GALNTL6: variants seen among roughly 807,000 people sequenced by gnomAD.
GALNTL6 encodes polypeptide N-acetylgalactosaminyltransferase-like 6.
A neutral mutation model predicts 73.7 loss-of-function variants in GALNTL6; 46 were observed. The ratio of observed to expected loss-of-function variants is 0.62; its 90% CI spans 0.49 to 0.80. GALNTL6 has a LOEUF of 0.80. GALNTL6 is among the 30% of genes least tolerant of loss of function. GALNTL6 has a pLI of 0.00. For missense variants in GALNTL6, 604 were observed against 755.0 expected (o/e 0.80, Z 2.34); for synonymous variants, 259 against 263.7 (o/e 0.98, Z 0.17).
At chr4:172,777,597 G>A (rs527689189) in intron 5 of GALNTL6, among the ~76,000 whole-genome samples, 31 of 152,144 alleles carry the variant, frequency 2.0e-4, no homozygotes, top group Non-Finnish European at 4.0e-4. Flanking sequence ...CTCTTGGTAG[G>A]TGCTTAGTAA....
chr4:172,035,645 T>C lies in GALNTL6; in HGVS notation c.139-194011T>C, dbSNP rs187682127. 5.9e-3 allele frequency among the ~76,000 whole-genome samples: 902 copies of C among 152,260 alleles called. 17 individuals carry two copies. The highest frequency in any genetic ancestry group is 8.1e-3 in the Non-Finnish European group (549 of 67,990). On this transcript the variant is annotated intron_variant, in intron 2 of 12. Transcript: ENST00000506823. ...AATACAGTTGAGCACTCCCAGCAGA[T>C]GAAGGTGTGAATTTCCTCATACATC...
At chr4:172,383,713 A>G (rs1743366629) in intron 5 of GALNTL6, among the ~76,000 whole-genome samples, 2 of 152,132 alleles carry the variant, frequency 1.3e-5, no homozygotes, top group Admixed American at 6.5e-5. Context: ...TAAGTGTGAT[A>G]TTAGCTGTGG....
rs1012453273 is a variant in GALNTL6, at chr4:172,916,592, A to C, written c.1042-14569A>C. Among the ~76,000 whole-genome samples, 6 of 152,208 alleles carry C rather than the reference A, an allele frequency of 3.9e-5. No individual in the cohort carries two copies. The South Asian group carries it at 1.0e-3, about 26-fold the overall frequency. ...ATGTGCAAAAATCACAAGCATTCCT[A>C]TACACCAATAACAGACAAACAGAGA... On this transcript the variant is annotated intron_variant, in intron 8 of 12. Coordinates refer to ENST00000506823, the MANE Select transcript of GALNTL6 (RefSeq NM_001034845.3).
chr4:172,778,611 T>A (rs11132966), intron 5 of GALNTL6, among the ~76,000 whole-genome samples: 79,297 of 151,740 alleles, frequency 0.52, 21,461 homozygotes, highest in East Asian at 0.77. Flanking sequence ...TATTTCCGAA[T>A]ATGACTTTTG....
intron 2 of GALNTL6, among the ~76,000 whole-genome samples, chr4:171,845,284 A>G (rs1735339982): frequency 6.6e-6 from 1 of 152,198 alleles, no homozygotes; most frequent in African/African-American, 2.4e-5. Context: ...AATCTGACAG[A>G]GACAAACTAA....
chr4:172,784,127 A>ATG (rs1011109201), intron 5 of GALNTL6, among the ~76,000 whole-genome samples: 8 of 152,152 alleles, frequency 5.3e-5, no homozygotes, highest in Non-Finnish European at 1.2e-4. Flanking sequence ...AATAACATAG[A>ATG]TTAATTTTAA....
At chr4:172,725,482 G>A (rs1008660188) in intron 5 of GALNTL6, among the ~76,000 whole-genome samples, 3 of 152,158 alleles carry the variant, frequency 2.0e-5, no homozygotes, top group African/African-American at 7.2e-5. Flanking sequence ...ACAGATATAA[G>A]GGGTTGTAAT....
chr4:173,040,208 G>C lies in GALNTL6; in HGVS notation c.*108G>C. 1 of 835,278 alleles carries C rather than the reference G, an allele frequency of 1.2e-6. No homozygotes were observed. Among genetic ancestry groups the C allele is most frequent in the Non-Finnish European group, 1.8e-6 (1 of 559,140 alleles). The allele number at this position is 835,278 out of a possible 1,614,324, so 51.7% of individuals were successfully genotyped here. On this transcript the variant is annotated 3_prime_UTR_variant, in exon 13 of 13. Coordinates refer to ENST00000506823, the MANE Select transcript of GALNTL6 (RefSeq NM_001034845.3). The stretch of plus-strand genomic sequence containing the variant: ...AACATTTCCTCGATCCAGGAAGGCT[G>C]GTTTAAAAATTTGCAAATGCCATGT...
chr4:172,767,176 G>T (rs925104466), intron 5 of GALNTL6, among the ~76,000 whole-genome samples: 2 of 152,180 alleles, frequency 1.3e-5, no homozygotes, highest in East Asian at 3.8e-4. Context: ...TATTATTTGT[G>T]TCAGATCAGA....
intron 3 of GALNTL6, among the ~76,000 whole-genome samples, chr4:172,242,826 G>A (rs905368972): frequency 1.3e-5 from 2 of 152,180 alleles, no homozygotes; most frequent in East Asian, 3.8e-4. Flanking sequence ...AGGTGCCCTC[G>A]CTGTTTATTG....
At chr4:172,640,291 T>C (rs1402615244) in intron 5 of GALNTL6, among the ~76,000 whole-genome samples, 1 of 152,142 alleles carries the variant, frequency 6.6e-6, no homozygotes, top group African/African-American at 2.4e-5. Flanking sequence ...GGAAACATTC[T>C]GTGTGTTTCT....
At chr4:172,014,100 T>G (rs1025810914) in intron 2 of GALNTL6, among the ~76,000 whole-genome samples, 4 of 152,122 alleles carry the variant, frequency 2.6e-5, no homozygotes, top group Non-Finnish European at 2.9e-5. Context: ...ATATGCCACA[T>G]TTTCTTCACT....
chr4:172,962,481 A>C (rs1346944822), intron 10 of GALNTL6, among the ~76,000 whole-genome samples: 2 of 152,208 alleles, frequency 1.3e-5, no homozygotes, highest in Non-Finnish European at 2.9e-5. Flanking sequence ...GTTTCCTATA[A>C]ACTTTAAATT....
intron 5 of GALNTL6, among the ~76,000 whole-genome samples, chr4:172,478,179 T>C (rs1733308605): frequency 6.6e-6 from 1 of 152,086 alleles, no homozygotes; most frequent in Admixed American, 6.6e-5. Flanking sequence ...CTAAAATTTA[T>C]ATGGGACCAA....
chr4:172,911,403 T>C (rs1219017572), intron 8 of GALNTL6, among the ~76,000 whole-genome samples: 1 of 152,218 alleles, frequency 6.6e-6, no homozygotes, highest in African/African-American at 2.4e-5. Flanking sequence ...TAGAGACCAC[T>C]CCTTACTTCT....
intron 5 of GALNTL6, among the ~76,000 whole-genome samples, chr4:172,637,653 A>G (rs990787257): frequency 9.9e-5 from 15 of 152,202 alleles, no homozygotes; most frequent in South Asian, 2.1e-4. Flanking sequence ...GTGAAACAAT[A>G]AAATCATTTA....
At chr4:172,722,587 T>C (rs1444240863) in intron 5 of GALNTL6, among the ~76,000 whole-genome samples, 1 of 152,024 alleles carries the variant, frequency 6.6e-6, no homozygotes, top group Admixed American at 6.6e-5. Context: ...ATATACACAG[T>C]AAAATGCAAA....
At chr4:172,853,099 A>G (rs1010013262) in intron 7 of GALNTL6, among the ~76,000 whole-genome samples, 1 of 152,180 alleles carries the variant, frequency 6.6e-6, no homozygotes, top group African/African-American at 2.4e-5. Flanking sequence ...GCACATCTTA[A>G]TGGGATGCCC....
chr4:172,298,902 C>T (rs1270673853), intron 3 of GALNTL6, among the ~76,000 whole-genome samples: 1 of 152,150 alleles, frequency 6.6e-6, no homozygotes, highest in Non-Finnish European at 1.5e-5. Flanking sequence ...AGGGAGGATT[C>T]CCTCTTTTTC....
Sources: allele counts gnomAD v4.1 joint callset (sites outside exome capture counted in the v4.1 genomes callset), GRCh38; gene constraint gnomAD v4.1.1; transcripts MANE v1.5; gene names NCBI Gene and HGNC (gene_info 2026-07-23, HGNC 2026-07-21).